Variants in ATIC observed in about 807,000 individuals in gnomAD.
ATIC encodes the protein 5-aminoimidazole-4-carboxamide ribonucleotide formyltransferase/IMP cyclohydrolase.
A neutral mutation model predicts 72.5 loss-of-function variants in ATIC; 64 were observed. The ratio of observed to expected loss-of-function variants is 0.88; its 90% CI spans 0.72 to 1.09. The LOEUF (loss-of-function observed/expected upper bound fraction) is 1.09, where lower values mean the gene tolerates loss of function less well. ATIC is among the 50% of genes least tolerant of loss of function. The pLI is 0.00. For missense variants in ATIC, 787 were observed against 732.4 expected, an observed-to-expected ratio of 1.07 and a Z score of -0.86; for synonymous variants, 281 against 267.1, an observed-to-expected ratio of 1.05 and a Z score of -0.51.
At chr2:215,367,503 A>C in the ATIC span, among the ~76,000 whole-genome samples, 7 of 152,206 alleles carry the variant, frequency 4.6e-5, no homozygotes, top group Non-Finnish European at 8.8e-5. Flanking sequence ...TCAACACTGA[A>C]GATTAAAAGA....
At chr2:215,352,767 G>A (rs1365132235), downstream of ATIC, among the ~76,000 whole-genome samples, 1 of 38,078 alleles carries the variant, frequency 2.6e-5, no homozygotes, top group Non-Finnish European at 1.1e-4. Flanking sequence ...CCCAAGCCTG[G>A]TACATCATTG....
chr2:215,349,917 TAGC>T (rs1575128057), downstream of ATIC: 9 of 564,924 alleles, frequency 1.6e-5, no homozygotes, highest in East Asian at 2.4e-4. Context: ...ACATAAACAT[TAGC>T]AGGAACCAAA....
downstream of ATIC, among the ~76,000 whole-genome samples, chr2:215,352,815 G>C (rs1266282087): frequency 6.6e-6 from 1 of 151,864 alleles, no homozygotes; most frequent in East Asian, 1.9e-4. Context: ...TCAACACCTG[G>C]TTTCTCCTCT....
chr2:215,348,733 T>C (rs1396881249), intron 14 of ATIC: 4 of 382,552 alleles, frequency 1.0e-5, no homozygotes, highest in Non-Finnish European at 2.0e-5. Flanking sequence ...GAGGCCGAGG[T>C]GAGTGGATCA....
intron 2 of ATIC, among the ~76,000 whole-genome samples, chr2:215,316,788 G>C (rs2052714313): frequency 1.3e-5 from 2 of 152,162 alleles, no homozygotes; most frequent in Non-Finnish European, 2.9e-5. Context: ...TTGAGACGGA[G>C]TTTTGCTGTT....
At chr2:215,328,498 A>T (rs114106583) in intron 7 of ATIC, among the ~76,000 whole-genome samples, 169 of 151,764 alleles carry the variant, frequency 1.1e-3, no homozygotes, top group African/African-American at 3.7e-3. Context: ...TTTCCACTCC[A>T]GCGCCTCTGG....
chr2:215,344,632 G>A, intron 12 of ATIC, 147 bp from the exon 13 acceptor site: 1 of 750,536 alleles, frequency 1.3e-6, no homozygotes. Context: ...CCGAGATTGT[G>A]CCGTTGGAGA....
the ATIC span, chr2:215,365,617 G>A: frequency 6.2e-7 from 1 of 1,613,890 alleles, no homozygotes; most frequent in Non-Finnish European, 8.5e-7. Context: ...TCACACCATT[G>A]TCATGGCACC....
At chr2:215,364,096 G>A in the ATIC span, among the ~76,000 whole-genome samples, 1 of 152,142 alleles carries the variant, frequency 6.6e-6, no homozygotes, top group Non-Finnish European at 1.5e-5. Context: ...ACCCAGAACT[G>A]TATTTGTCAG....
At position 215,312,268 on chromosome 2, in the gene ATIC, G is replaced by A. The variant is rs370672880; in HGVS notation, c.19+107G>A. 7.7e-4 allele frequency: 1,116 copies of A among 1,450,984 alleles called. 9 individuals are homozygous for A. In the African/African-American group the frequency reaches 0.014, roughly 18 times the overall value. 89.9% of individuals were successfully genotyped at this position (1,450,984 alleles called of 1,614,324 possible). ...CCGGCACTGCAGGGGCGGCGCTGCG[G>A]GATTGAAAGCCAGCGTCCCCGCTCC... On this transcript the variant is annotated intron_variant, in intron 1 of 15. Coordinates refer to ENST00000236959, the MANE Select transcript of ATIC (RefSeq NM_004044.7).
rs1313933670 is a variant in ATIC at position 215,333,456 on chromosome 2, A to T, written c.921A>T (p.Arg307Ser). 1 of 1,613,068 alleles carries T rather than the reference A, an allele frequency of 6.2e-7. No homozygotes were observed. The highest frequency in any genetic ancestry group is 1.3e-5 in the African/African-American group (1 of 75,014). ...TPISAAYARARGADRMSSFGD... is the reference protein window; with the variant it reads ...TPISAAYARASGADRMSSFGD... ...TCTCAGCGGCATATGCAAGAGCAAGAGGTCAGACTCATAGGGCTTTTTGAT... is the reference window on the plus strand; with the variant it reads ...TCTCAGCGGCATATGCAAGAGCAAGTGGTCAGACTCATAGGGCTTTTTGAT... Residue 307 changes from arginine to serine, a missense_variant and splice_region_variant, in exon 9 of 16, where the codon AGA (arginine) becomes AGT (serine). Coordinates refer to ENST00000236959, the MANE Select transcript of ATIC (RefSeq NM_004044.7).
intron 12 of ATIC, among the ~76,000 whole-genome samples, chr2:215,343,230 A>G (rs921530252): frequency 6.6e-6 from 1 of 151,674 alleles, no homozygotes; most frequent in Admixed American, 6.6e-5. Flanking sequence ...ATAATAGCTC[A>G]TGATGTTGAA....
At chr2:215,337,602 A>C (rs577978361) in intron 11 of ATIC, among the ~76,000 whole-genome samples, 1 of 152,274 alleles carries the variant, frequency 6.6e-6, no homozygotes, top group African/African-American at 2.4e-5. Context: ...CCTGACCTCA[A>C]GGGATCTGCC....
chr2:215,326,728 TGAG>T (rs1481791750), intron 6 of ATIC, 91 bp from the exon 7 acceptor site: 3 of 1,467,974 alleles, frequency 2.0e-6, no homozygotes, highest in African/African-American at 2.8e-5. Flanking sequence ...CACTGAATAG[TGAG>T]GAGATGTTGT....
At chr2:215,364,674 A>C in the ATIC span, 1 of 603,460 alleles carries the variant, frequency 1.7e-6, no homozygotes, top group South Asian at 1.9e-5. Context: ...TCTTTCTACT[A>C]AGAGTAATAG....
At chr2:215,339,760 A>G (rs763842735) in intron 12 of ATIC, among the ~76,000 whole-genome samples, 24 of 150,280 alleles carry the variant, frequency 1.6e-4, no homozygotes, top group Non-Finnish European at 3.0e-4. Flanking sequence ...TCAGCCTCCC[A>G]AGTAGCTGGG....
chr2:215,315,245 G>C (rs1014351326), intron 2 of ATIC, among the ~76,000 whole-genome samples: 3 of 152,170 alleles, frequency 2.0e-5, no homozygotes, highest in African/African-American at 7.2e-5. Flanking sequence ...TCTTATGACT[G>C]GCTTTGGGGA....
At chr2:215,351,296 C>G (rs768359228), downstream of ATIC, among the ~76,000 whole-genome samples, 1 of 152,220 alleles carries the variant, frequency 6.6e-6, no homozygotes, top group Non-Finnish European at 1.5e-5. Context: ...CAAAAGAGCT[C>G]TTGAATTCCT....
chr2:215,327,962 A>G (rs1004147391), intron 7 of ATIC, among the ~76,000 whole-genome samples: 4 of 150,822 alleles, frequency 2.7e-5, no homozygotes, highest in African/African-American at 7.3e-5. Context: ...CAGTGGCGCA[A>G]TCTCTGGTTC....
Sources: allele counts gnomAD v4.1 joint callset (sites outside exome capture counted in the v4.1 genomes callset), GRCh38; gene constraint gnomAD v4.1.1; transcripts MANE v1.5; gene names NCBI Gene and HGNC (gene_info 2026-07-23, HGNC 2026-07-21).